The following DNAH6 variants were observed in gnomAD, a reference collection of about 807,000 sequenced individuals.
DNAH6 encodes axonemal beta dynein heavy chain 6.
Under a neutral mutation model 491.4 loss-of-function variants are expected in DNAH6, and 340 were observed. The ratio of observed to expected loss-of-function variants is 0.69; its 90% CI spans 0.63 to 0.76. The LOEUF (loss-of-function observed/expected upper bound fraction) is 0.76, where lower values mean the gene tolerates loss of function less well. Among genes scored for constraint, DNAH6 ranks in the 30% least tolerant of loss-of-function variants. DNAH6 has a pLI of 0.00. For synonymous variants in DNAH6, 1,603 were observed against 1,686.1 expected, an observed-to-expected ratio of 0.95 and a Z score of 1.21; for missense variants, 4,443 against 4,972.2, an observed-to-expected ratio of 0.89 and a Z score of 3.20.
Position 84,604,420 on chromosome 2 carries a change from C to G in DNAH6, c.2950C>G (p.Leu984Val), listed in dbSNP as rs779771071. Residue 984 changes from leucine (L) to valine (V), a missense_variant, in exon 19 of 77, where the codon CTA becomes GTA. Coordinates refer to ENST00000389394, the MANE Select transcript of DNAH6 (RefSeq NM_001370.2). Reference sequence around the variant, plus strand: ...TATTGAACAAACAGTTGATGCCACTCTAGTGGATGCTGAAATTCCATTAAC... The same window carrying G: ...TATTGAACAAACAGTTGATGCCACTGTAGTGGATGCTGAAATTCCATTAAC... Reference protein sequence around the residue: ...AAIEQTVDATLVDAEIPLTLE... With the variant: ...AAIEQTVDATVVDAEIPLTLE... 3 of 1,552,038 alleles carry G rather than the reference C, an allele frequency of 1.9e-6. No homozygotes were observed. Among genetic ancestry groups the G allele is most frequent in the South Asian group, 2.4e-5 (2 of 84,066 alleles).
chr2:84,487,557 G>T, the DNAH6 span, among the ~76,000 whole-genome samples: 1 of 152,210 alleles, frequency 6.6e-6, no homozygotes, highest in East Asian at 1.9e-4. Context: ...GTTATTTCCA[G>T]TCCCTGGATG....
intron 4 of DNAH6, among the ~76,000 whole-genome samples, chr2:84,541,499 C>T (rs890414741): frequency 1.3e-5 from 2 of 151,976 alleles, no homozygotes; most frequent in African/African-American, 4.8e-5. Flanking sequence ...TGACACACAC[C>T]ATTATAAAGG....
chr2:84,535,348 T>C (rs1266853622), intron 4 of DNAH6, among the ~76,000 whole-genome samples: 1 of 151,934 alleles, frequency 6.6e-6, no homozygotes, highest in Non-Finnish European at 1.5e-5. Flanking sequence ...ATCTCAAACT[T>C]AGATTTGTAA....
At chr2:84,640,690 C>CT (rs1244642686) in intron 32 of DNAH6, 112 bp downstream of exon 32, 1 of 1,045,838 alleles carries the variant, frequency 9.6e-7, no homozygotes, top group Non-Finnish European at 1.4e-6. Context: ...ATGTTGGCTG[C>CT]TGCTGTTGTC....
At chr2:84,478,558 G>A in the DNAH6 span, among the ~76,000 whole-genome samples, 4 of 152,128 alleles carry the variant, frequency 2.6e-5, no homozygotes, top group African/African-American at 4.8e-5. Context: ...TCCTCCAGAA[G>A]AAATGGATTC....
chr2:84,677,233 T>A, intron 41 of DNAH6, 97 bp downstream of exon 41: 2 of 1,461,072 alleles, frequency 1.4e-6, no homozygotes, highest in Non-Finnish European at 1.9e-6. Context: ...TTCTAAGGAG[T>A]CCATCTATCC....
At position 84,681,378 on chromosome 2, in the gene DNAH6, A is replaced by G; in HGVS notation, c.6766A>G (p.Ser2256Gly). 1 of 1,546,524 alleles carries G rather than the reference A, an allele frequency of 6.5e-7. No individual in the cohort carries two copies. ...IFQAILNGFL[S>G]DFPPAVKQTA... ...CTAGGCCATCTTAAATGGTTTCCTG[A>G]GTGACTTTCCACCAGCTGTAAAGCA... The change falls in exon 42 of 77, where the codon AGT becomes GGT. Residue 2256 changes from serine to glycine, a missense_variant. Coordinates refer to ENST00000389394, the MANE Select transcript of DNAH6 (RefSeq NM_001370.2).
At position 84,624,513 on chromosome 2, in the gene DNAH6, T is replaced by A; in HGVS notation, c.4246T>A (p.Trp1416Arg). The A allele has an allele frequency of 6.4e-7, 1 of 1,551,960 alleles. No individual in the cohort carries two copies. The highest frequency in any genetic ancestry group is 8.7e-7 in the Non-Finnish European group (1 of 1,146,990). The part of the protein sequence containing the change: ...FDWQRQLRYY[W>R]DIDLDNCVAR... Reference sequence around the variant, plus strand: ...CTGGCAGAGACAACTGCGCTATTACTGGGATATAGACCTGGATAATTGTGT... The same window carrying A: ...CTGGCAGAGACAACTGCGCTATTACAGGGATATAGACCTGGATAATTGTGT... The change falls in exon 28 of 77, where the codon TGG becomes AGG. Residue 1416 changes from tryptophan (W) to arginine (R), a missense_variant. Physicochemically the swap from Trp to Arg is moderately radical, Grantham distance 101. Around this residue, in one of 3 missense-constraint regions of DNAH6, gnomAD observed 2,977 missense variants for 3,296.6 expected, o/e 0.90. Coordinates refer to ENST00000389394, the MANE Select transcript of DNAH6 (RefSeq NM_001370.2).
Position 84,557,841 on chromosome 2 carries a change from A to G in DNAH6, c.1709A>G (p.Asn570Ser), listed in dbSNP as rs759405651. 4.3e-6 allele frequency: 7 copies of G among 1,613,328 alleles called. No individual in the cohort carries two copies. Among genetic ancestry groups the G allele is most frequent in the South Asian group, 3.3e-5 (3 of 91,046 alleles). The change falls in exon 11 of 77, where the codon AAC becomes AGC. Residue 570 changes from asparagine (N) to serine (S), a missense_variant. This residue lies in a region of DNAH6 where 2,977 missense variants were observed against 3,296.6 expected (regional missense o/e 0.90). Transcript: ENST00000389394. ...GCTTTCACCAGCCCTTATATTAACA[A>G]CAAACTTGAAGGAAAAACCTGTGGA... is the stretch of plus-strand genomic sequence containing the variant. Reference protein sequence around the residue: ...FDAFTSPYINNKLEGKTCGTG... With the variant: ...FDAFTSPYINSKLEGKTCGTG...
chr2:84,545,960 A>G (rs185139225), intron 5 of DNAH6, among the ~76,000 whole-genome samples: 1 of 152,302 alleles, frequency 6.6e-6, no homozygotes, highest in African/African-American at 2.4e-5. Context: ...ACACAATTCA[A>G]TTATTTTTAG....
At chr2:84,805,823 TA>T (rs777570094) in intron 71 of DNAH6, 29 bp downstream of exon 71, 1 of 1,535,220 alleles carries the variant, frequency 6.5e-7, no homozygotes, top group Non-Finnish European at 8.8e-7. Flanking sequence ...AATCTGTATG[TA>T]ATGGGAATTT....
chr2:84,793,774 G>A (rs199821260), intron 68 of DNAH6, among the ~76,000 whole-genome samples: 2 of 151,762 alleles, frequency 1.3e-5, no homozygotes, highest in African/African-American at 4.8e-5. Flanking sequence ...TGAGTGGCTT[G>A]TCCAACAAGA....
chr2:84,685,211 C>G (rs566214632), intron 42 of DNAH6, 115 bp from the exon 43 acceptor site: 1 of 665,008 alleles, frequency 1.5e-6, no homozygotes, highest in South Asian at 4.5e-5. Context: ...GGGAAGCAGT[C>G]ATTTTTGGCA....
In DNAH6 at chr2:84,777,278, T is replaced by G. The variant is rs115031221; in HGVS notation, c.10704-4215T>G. ...AATAAATATAAAATTGCAGGTTTTT[T>G]GGATTCCCCAAAGTGTAAATGCACT... On this transcript the variant is annotated intron_variant, in intron 64 of 76. Transcript: ENST00000389394. 551 of 237,490 alleles carry G rather than the reference T, an allele frequency of 2.3e-3. 5 individuals are homozygous for G. The highest frequency in any genetic ancestry group is 0.012 in the African/African-American group (511 of 42,926). The allele number at this position is 237,490 out of a possible 1,614,324, so 14.7% of individuals were successfully genotyped here. A position where few individuals can be genotyped will look rare whatever the true frequency, so the allele number is the denominator to read the frequency against.
At chr2:84,715,471 TGGGTA>T in intron 57 of DNAH6, 84 bp from the exon 58 acceptor site, 1 of 1,236,124 alleles carries the variant, frequency 8.1e-7, no homozygotes. Flanking sequence ...TACATCCGCC[TGGGTA>T]GTAATGAGCT....
Position 84,640,537 on chromosome 2 carries a change from C to A in DNAH6, c.4929C>A (p.Asp1643Glu), listed in dbSNP as rs1259426153. The stretch of plus-strand genomic sequence containing the variant: ...AGCTGTCTCAGCAGGATCACTACGA[C>A]TTTGGCATGAGAGCTGTGAAGTCTG... ...SEQLSQQDHY[D>E]FGMRAVKSVL... is the part of the protein sequence containing the mutation. Residue 1643 changes from aspartate to glutamate, a missense_variant, in exon 32 of 77, where the codon GAC becomes GAA. Asp to Glu is a conservative substitution (Grantham distance 45, BLOSUM62 2). Around this residue, in one of 3 missense-constraint regions of DNAH6, gnomAD observed 2,977 missense variants for 3,296.6 expected, o/e 0.90. Transcript: ENST00000389394. The A allele has an allele frequency of 6.4e-7, 1 of 1,551,090 alleles. No homozygotes were observed. The highest frequency in any genetic ancestry group is 2.0e-5 in the Admixed American group (1 of 50,956).
At chr2:84,772,728 A>G (rs923434354) in intron 64 of DNAH6, among the ~76,000 whole-genome samples, 1 of 152,094 alleles carries the variant, frequency 6.6e-6, no homozygotes, top group East Asian at 1.9e-4. Flanking sequence ...TTAATAAGGG[A>G]TAGAACAATT....
chr2:84,669,443 A>G lies in DNAH6; in HGVS notation c.6239A>G (p.Tyr2080Cys). The change falls in exon 38 of 77, where the codon TAT becomes TGT. Residue 2080 changes from tyrosine to cysteine, a missense_variant. Transcript: ENST00000389394. ...ACAACTGACACAGTGCGCTATGGGT[A>G]TCTAATGGAAAAACTACTGGCAGTC... ...VPTTDTVRYG[Y>C]LMEKLLAVKH... 1 of 1,551,996 alleles carries G rather than the reference A, an allele frequency of 6.4e-7. No individual in the cohort carries two copies. The highest frequency in any genetic ancestry group is 8.7e-7 in the Non-Finnish European group (1 of 1,147,022).
intron 56 of DNAH6, among the ~76,000 whole-genome samples, 158 bp downstream of exon 56, chr2:84,710,570 A>G (rs1291860056): frequency 6.6e-6 from 1 of 152,002 alleles, no homozygotes; most frequent in East Asian, 1.9e-4. Flanking sequence ...ATACATTATC[A>G]CATTGCAAGA....
Sources: gnomAD v4.1 joint callset for allele counts (sites outside exome capture counted in the v4.1 genomes callset) on GRCh38, gnomAD v4.1.1 for gene constraint, gnomAD v4.1.1 regional missense constraint, MANE v1.5 for transcripts, NCBI Gene and HGNC (gene_info 2026-07-23, HGNC 2026-07-21) for gene names.